The following RPE65 variants were observed in gnomAD, a reference collection of about 807,000 sequenced individuals.
The protein encoded by RPE65 is retinoid isomerohydrolase RPE65.
RPE65 carries 58 observed loss-of-function variants against 68.5 expected under a neutral mutation model. The ratio of observed to expected loss-of-function variants is 0.85; its 90% CI spans 0.69 to 1.05. The LOEUF is 1.05. RPE65 is among the 50% of genes least tolerant of loss of function. The probability of loss-of-function intolerance (pLI) is 0.00; values close to 1 mark genes in which losing one functional copy is unlikely to be tolerated. For synonymous variants in RPE65, 220 were observed against 222.2 expected, an observed-to-expected ratio of 0.99 and a Z score of 0.09; for missense variants, 643 against 629.9, an observed-to-expected ratio of 1.02 and a Z score of -0.22.
chr1:68,430,152 T>G (rs530823029), intron 13 of RPE65, among the ~76,000 whole-genome samples: 1 of 152,078 alleles, frequency 6.6e-6, no homozygotes, highest in East Asian at 1.9e-4. Context: ...GAAGGGAGAG[T>G]CTTGTCTGTC....
rs781343755 is a variant in RPE65 at position 68,446,693 on chromosome 1, A to G, written c.245+17T>C. 1.2e-6 allele frequency: 2 copies of G among 1,614,152 alleles called. No homozygotes were observed. Among genetic ancestry groups the G allele is most frequent in the Non-Finnish European group, 1.7e-6 (2 of 1,180,016 alleles). ...CCCTACTTTGAGGAGGAGGAGTGGCATGGAGTGCTGCTTTACCTTCTGTGG... is the reference window on the plus strand; with the variant it reads ...CCCTACTTTGAGGAGGAGGAGTGGCGTGGAGTGCTGCTTTACCTTCTGTGG... On this transcript the variant is annotated intron_variant, in intron 3 of 13. Coordinates refer to ENST00000262340, the MANE Select transcript of RPE65 (RefSeq NM_000329.3).
intron 11 of RPE65, 28 bp downstream of exon 11, chr1:68,431,443 G>A (rs1333202576): frequency 5.6e-6 from 9 of 1,611,516 alleles, no homozygotes; most frequent in East Asian, 2.2e-5. Flanking sequence ...GTTCACTCCC[G>A]TGTGAAGTTT....
chr1:68,438,206 A>G lies in RPE65; in HGVS notation c.1109T>C (p.Leu370Pro). The change falls in exon 10 of 14, where the codon CTT becomes CCT. Residue 370 changes from leucine to proline, a missense_variant. Physicochemically the swap from Leu to Pro is moderately conservative, Grantham distance 98. Transcript: ENST00000262340. ...APQPEVRRYV[L>P]PLNIDKADTG... is the part of the protein sequence containing the mutation. ...GGTTACCTTGTCAATATTCAAAGGA[A>G]GTACATATCTCCTAACTTCAGGTTG... 6.2e-7 allele frequency: 1 copy of G among 1,613,992 alleles called. No individual in the cohort carries two copies. The highest frequency in any genetic ancestry group is 8.5e-7 in the Non-Finnish European group (1 of 1,179,934).
At chr1:68,441,133 G>T in intron 5 of RPE65, 133 bp from the exon 6 acceptor site, 1 of 1,064,242 alleles carries the variant, frequency 9.4e-7, no homozygotes, top group Non-Finnish European at 1.4e-6. Flanking sequence ...CATCTCTCTG[G>T]ATTCTACCCT....
intron 5 of RPE65, 97 bp downstream of exon 5, chr1:68,444,434 G>T: frequency 6.7e-7 from 1 of 1,485,906 alleles, no homozygotes. Flanking sequence ...TCCTCATCAA[G>T]TTAGAATCAT....
chr1:68,430,551 G>A (rs541686978), intron 13 of RPE65, among the ~76,000 whole-genome samples: 1 of 151,918 alleles, frequency 6.6e-6, no homozygotes, highest in Non-Finnish European at 1.5e-5. Context: ...CAGCTGAGAA[G>A]CAGTTAACTA....
chr1:68,432,797 G>A (rs1039268590), intron 10 of RPE65, among the ~76,000 whole-genome samples: 1 of 152,152 alleles, frequency 6.6e-6, no homozygotes, highest in Non-Finnish European at 1.5e-5. Context: ...TCCAAGAGTG[G>A]AATCAGGGAA....
intron 6 of RPE65, 21 bp from the exon 7 acceptor site, chr1:68,439,663 A>G: frequency 6.3e-7 from 1 of 1,599,248 alleles, no homozygotes; most frequent in Non-Finnish European, 8.6e-7. Context: ...GTGGTTTTAA[A>G]AGGCTTTGGA....
intron 10 of RPE65, among the ~76,000 whole-genome samples, chr1:68,434,140 A>G (rs951233923): frequency 4.0e-5 from 6 of 151,578 alleles, no homozygotes; most frequent in Non-Finnish European, 7.4e-5. Flanking sequence ...ACACACACAC[A>G]TATACATCAC....
At chr1:68,449,120 A>C (rs1261869944) in intron 1 of RPE65, among the ~76,000 whole-genome samples, 1 of 151,910 alleles carries the variant, frequency 6.6e-6, no homozygotes, top group Admixed American at 6.6e-5. Flanking sequence ...GTATTCTCCC[A>C]CCCTATCAAC....
In RPE65 at chr1:68,444,809, G is replaced by A. The variant is rs202186372; in HGVS notation, c.320C>T (p.Ala107Val). 1 of 1,614,152 alleles carries A rather than the reference G, an allele frequency of 6.2e-7. No individual in the cohort carries two copies. Among genetic ancestry groups the A allele is most frequent in the Non-Finnish European group, 8.5e-7 (1 of 1,180,024 alleles). ...RIVITEFGTC[A>V]FPDPCKNIFS... ...TATATTCTTGCAGGGATCTGGGAAA[G>A]CACAGGTGCCAAATTCTGTTATGAC... Residue 107 changes from alanine (A) to valine (V), a missense_variant, in exon 4 of 14, where the codon GCT (alanine) becomes GTT (valine). Coordinates refer to ENST00000262340, the MANE Select transcript of RPE65 (RefSeq NM_000329.3).
chr1:68,441,097 A>G, intron 5 of RPE65, 97 bp from the exon 6 acceptor site: 1 of 1,383,056 alleles, frequency 7.2e-7, no homozygotes, highest in Non-Finnish European at 1.0e-6. Context: ...TTGAACTCTC[A>G]TCCTAAGTGC....
intron 3 of RPE65, 60 bp from the exon 4 acceptor site, chr1:68,444,943 G>A: frequency 1.4e-6 from 2 of 1,458,328 alleles, no homozygotes; most frequent in Non-Finnish European, 1.9e-6. Flanking sequence ...CAGCCCATGT[G>A]GAGCTTAGAA....
At position 68,431,090 on chromosome 1, in the gene RPE65, G is replaced by T. The variant is rs760099873; in HGVS notation, c.1425C>A (p.His475Gln). ...CATCATCTTCTTCCAAGGCATCTGGGTGAGAAACAAAGATGGGTTCTGATG... is the reference window on the plus strand; with the variant it reads ...CATCATCTTCTTCCAAGGCATCTGGTTGAGAAACAAAGATGGGTTCTGATG... ...SYPSEPIFVSHPDALEEDDGV... is the reference protein window; with the variant it reads ...SYPSEPIFVSQPDALEEDDGV... Residue 475 changes from histidine to glutamine, a missense_variant, in exon 13 of 14, where the codon CAC (histidine) becomes CAA (glutamine). His to Gln is a conservative substitution (Grantham distance 24). Coordinates refer to ENST00000262340, the MANE Select transcript of RPE65 (RefSeq NM_000329.3). 2 of 1,613,710 alleles carry T rather than the reference G, an allele frequency of 1.2e-6. No individual in the cohort carries two copies. The highest frequency in any genetic ancestry group is 8.5e-7 in the Non-Finnish European group (1 of 1,179,748).
chr1:68,448,001 A>C (rs1044120403), intron 2 of RPE65, among the ~76,000 whole-genome samples: 1 of 152,254 alleles, frequency 6.6e-6, no homozygotes, highest in African/African-American at 2.4e-5. Context: ...ACTAATAATG[A>C]TACTGATAGT....
At chr1:68,446,973 G>A in intron 2 of RPE65, 113 bp from the exon 3 acceptor site, 1 of 1,405,284 alleles carries the variant, frequency 7.1e-7, no homozygotes, top group Middle Eastern at 2.5e-4. Flanking sequence ...TCCTCATAGA[G>A]CTGGCAGTGA....
Position 68,431,597 on chromosome 1 carries a change from G to T in RPE65, c.1129-12C>A, listed in dbSNP as rs372293967. On this transcript the variant is annotated splice_polypyrimidine_tract_variant and intron_variant, in intron 10 of 13. Transcript: ENST00000262340. Reference sequence around the variant, plus strand: ...TTGCCTGTGTCAGCCTAGGAGAGAAGATAACAGAAACCTCAGTGAGCAGGA... The same window carrying T: ...TTGCCTGTGTCAGCCTAGGAGAGAATATAACAGAAACCTCAGTGAGCAGGA... 6.2e-7 allele frequency: 1 copy of T among 1,606,188 alleles called. No homozygotes were observed. The highest frequency in any genetic ancestry group is 8.5e-7 in the Non-Finnish European group (1 of 1,173,140).
chr1:68,429,705 A>G lies in RPE65; in HGVS notation c.*71T>C. ...GACATATAGCAGGCTAAAATTGAAC[A>G]GAATTTGATTGCAGACCTGAAGCTG... On this transcript the variant is annotated 3_prime_UTR_variant, in exon 14 of 14. Coordinates refer to ENST00000262340, the MANE Select transcript of RPE65 (RefSeq NM_000329.3). 6.3e-7 allele frequency: 1 copy of G among 1,596,756 alleles called. No individual in the cohort carries two copies. The highest frequency in any genetic ancestry group is 8.6e-7 in the Non-Finnish European group (1 of 1,166,954).
At chr1:68,437,004 C>T (rs149006408) in intron 10 of RPE65, among the ~76,000 whole-genome samples, 20 of 152,322 alleles carry the variant, frequency 1.3e-4, no homozygotes, top group Admixed American at 2.6e-4. Flanking sequence ...TGCCTCATTG[C>T]ATTAATCCTG....
Sources: allele counts gnomAD v4.1 joint callset (sites outside exome capture counted in the v4.1 genomes callset), GRCh38; gene constraint gnomAD v4.1.1; transcripts MANE v1.5; gene names NCBI Gene and HGNC (gene_info 2026-07-23, HGNC 2026-07-21).